Variants in RAB20 observed in about 807,000 individuals in gnomAD.
The protein encoded by RAB20 is RAB20, member RAS oncogene family, also known as ras-related protein Rab-20.
RAB20 carries 2 observed loss-of-function variants against 3.7 expected under a neutral mutation model. That is an observed-to-expected ratio of 0.54 (90% CI 0.22 to 1.69). The LOEUF is 1.69. Among genes scored for constraint, RAB20 ranks in the 40% most tolerant of loss-of-function variants. RAB20 has a pLI of 0.19. For missense variants in RAB20, 276 were observed against 311.9 expected, an observed-to-expected ratio of 0.88 and a Z score of 0.87; for synonymous variants, 126 against 130.8, an observed-to-expected ratio of 0.96 and a Z score of 0.25.
chr13:110,556,353 G>A (rs913507815), intron 1 of RAB20, among the ~76,000 whole-genome samples: 2 of 152,134 alleles, frequency 1.3e-5, no homozygotes, highest in African/African-American at 4.8e-5. Flanking sequence ...TTCGGAGAGA[G>A]GATAAAACCA....
At chr13:110,526,645 C>A (rs1884435502) in intron 1 of RAB20, among the ~76,000 whole-genome samples, 2 of 152,096 alleles carry the variant, frequency 1.3e-5, no homozygotes, top group African/African-American at 4.8e-5. Flanking sequence ...TTTTCACCAC[C>A]CTCTACCTGA....
In RAB20 at chr13:110,523,307, G is replaced by A; in HGVS notation, c.*358C>T. On this transcript the variant is annotated 3_prime_UTR_variant, in exon 2 of 2. Coordinates refer to ENST00000267328, the MANE Select transcript of RAB20 (RefSeq NM_017817.3). ...ACAACCCAGGGTGCTGAAACGGTCA[G>A]AGGTGCAGGTGCAGACGCAGGCTTC... The A allele has an allele frequency of 2.1e-6, 1 of 474,462 alleles. No individual in the cohort carries two copies. Among genetic ancestry groups the A allele is most frequent in the Non-Finnish European group, 3.7e-6 (1 of 271,472 alleles). 29.4% of individuals were successfully genotyped at this position (474,462 alleles called of 1,614,324 possible). A position where few individuals can be genotyped will look rare whatever the true frequency, so the allele number is the denominator to read the frequency against.
Position 110,523,441 on chromosome 13 carries a change from G to A in RAB20, c.*224C>T. ...TCGACTCTGCAGATTGGGCTTTGCA[G>A]AGGATTCCTGTTTCCCACCTCCCCA... On this transcript the variant is annotated 3_prime_UTR_variant, in exon 2 of 2. Transcript: ENST00000267328. The A allele has an allele frequency of 1.1e-6, 1 of 898,016 alleles. No individual in the cohort carries two copies. The highest frequency in any genetic ancestry group is 1.6e-6 in the Non-Finnish European group (1 of 612,822). 55.6% of individuals were successfully genotyped at this position (898,016 alleles called of 1,614,324 possible).
chr13:110,542,236 CATG>C (rs137968597), intron 1 of RAB20, among the ~76,000 whole-genome samples: 3,674 of 152,236 alleles, frequency 0.024, 153 homozygotes, highest in African/African-American at 0.082. Flanking sequence ...AGATGTACAA[CATG>C]ATATTTTGAT....
chr13:110,542,320 C>T (rs915349490), intron 1 of RAB20, among the ~76,000 whole-genome samples: 1 of 152,144 alleles, frequency 6.6e-6, no homozygotes, highest in Non-Finnish European at 1.5e-5. Context: ...CATGGGTGTG[C>T]AGACAGAACA....
chr13:110,527,470 G>T (rs1454636343), intron 1 of RAB20, among the ~76,000 whole-genome samples: 1 of 152,212 alleles, frequency 6.6e-6, no homozygotes, highest in Non-Finnish European at 1.5e-5. Flanking sequence ...AGAAGAATGT[G>T]CCCTGCTGCC....
chr13:110,545,894 G>A (rs961517340), intron 1 of RAB20, among the ~76,000 whole-genome samples: 15 of 152,158 alleles, frequency 9.9e-5, no homozygotes, highest in Non-Finnish European at 1.9e-4. Context: ...GGAAAATGCT[G>A]CATTTACTTC....
At chr13:110,552,758 TTAA>T (rs1013575395) in intron 1 of RAB20, among the ~76,000 whole-genome samples, 8 of 152,128 alleles carry the variant, frequency 5.3e-5, no homozygotes, top group African/African-American at 1.7e-4. Flanking sequence ...TCCAGAGAGC[TTAA>T]AGATAACAAA....
chr13:110,523,357 G>A lies in RAB20; in HGVS notation c.*308C>T, dbSNP rs1178626558. 24 of 530,072 alleles carry A rather than the reference G, an allele frequency of 4.5e-5. No homozygotes were observed. Among genetic ancestry groups the A allele is most frequent in the East Asian group, 9.1e-5 (3 of 33,078 alleles). The allele number at this position is 530,072 out of a possible 1,614,324, so 32.8% of individuals were successfully genotyped here. A position where few individuals can be genotyped will look rare whatever the true frequency, so the allele number is the denominator to read the frequency against. On this transcript the variant is annotated 3_prime_UTR_variant, in exon 2 of 2. Coordinates refer to ENST00000267328, the MANE Select transcript of RAB20 (RefSeq NM_017817.3). ...CTGCCTCTGCAAGGGCAAGGGGGCCGTTGGTGGCTGGCTGCAAAGGACCAG... is the reference window on the plus strand; with the variant it reads ...CTGCCTCTGCAAGGGCAAGGGGGCCATTGGTGGCTGGCTGCAAAGGACCAG...
At chr13:110,560,568 C>A (rs1041540494) in intron 1 of RAB20, among the ~76,000 whole-genome samples, 1 of 152,160 alleles carries the variant, frequency 6.6e-6, no homozygotes, top group African/African-American at 2.4e-5. Flanking sequence ...CCAGTTTCTT[C>A]ATTCACTTAC....
At chr13:110,533,148 C>T (rs79459207) in intron 1 of RAB20, among the ~76,000 whole-genome samples, 5 of 152,226 alleles carry the variant, frequency 3.3e-5, no homozygotes, top group African/African-American at 1.2e-4. Context: ...CCAGCAGCAG[C>T]GCAGCCTAGA....
Position 110,523,631 on chromosome 13 carries a change from C to G in RAB20, c.*34G>C, listed in dbSNP as rs759470604. 4.7e-5 allele frequency: 76 copies of G among 1,600,620 alleles called. No individual in the cohort carries two copies. Among genetic ancestry groups the G allele is most frequent in the Middle Eastern group, 1.7e-4 (1 of 6,014 alleles). On this transcript the variant is annotated 3_prime_UTR_variant, in exon 2 of 2. Coordinates refer to ENST00000267328, the MANE Select transcript of RAB20 (RefSeq NM_017817.3). ...CTTGCCTGGTCAGACCCCTTCCCAA[C>G]ATGCACAGTCTGAGTCCAGGAGGCC...
At chr13:110,559,089 C>A (rs1381391294) in intron 1 of RAB20, among the ~76,000 whole-genome samples, 1 of 152,056 alleles carries the variant, frequency 6.6e-6, no homozygotes, top group Non-Finnish European at 1.5e-5. Context: ...AACTCTCTTC[C>A]CCCTCTTCAG....
Position 110,523,459 on chromosome 13 carries a change from C to G in RAB20, c.*206G>C. ...CTTTGCAGAGGATTCCTGTTTCCCA[C>G]CTCCCCACCCCTCTGACAGAGACTG... On this transcript the variant is annotated 3_prime_UTR_variant, in exon 2 of 2. Coordinates refer to ENST00000267328, the MANE Select transcript of RAB20 (RefSeq NM_017817.3). 1 of 1,010,880 alleles carries G rather than the reference C, an allele frequency of 9.9e-7. No homozygotes were observed. The highest frequency in any genetic ancestry group is 1.4e-6 in the Non-Finnish European group (1 of 715,472). The allele number at this position is 1,010,880 out of a possible 1,614,324, so 62.6% of individuals were successfully genotyped here.
intron 1 of RAB20, among the ~76,000 whole-genome samples, 177 bp downstream of exon 1, chr13:110,561,171 T>A (rs1338749019): frequency 6.6e-6 from 1 of 152,168 alleles, no homozygotes; most frequent in Non-Finnish European, 1.5e-5. Flanking sequence ...ACTGAGTGGC[T>A]GAGAGGCAGC....
At position 110,524,089 on chromosome 13, in the gene RAB20, C is replaced by T. The variant is rs760965484; in HGVS notation, c.281G>A (p.Arg94Gln). The T allele has an allele frequency of 5.6e-6, 9 of 1,613,632 alleles. No homozygotes were observed. The highest frequency in any genetic ancestry group is 5.0e-5 in the Admixed American group (3 of 60,024). The change falls in exon 2 of 2, where the codon CGG (arginine) becomes CAG (glutamine). Residue 94 changes from arginine to glutamine, a missense_variant. Physicochemically the swap from Arg to Gln is conservative, Grantham distance 43 (BLOSUM62 1). Transcript: ENST00000267328. The part of the protein sequence containing the change: ...HRQSLVELED[R>Q]FLGLTDTASK... The stretch of plus-strand genomic sequence containing the variant: ...GGCTGTGTCTGTCAGGCCCAGGAAC[C>T]GGTCCTCCAGCTCCACCAGGCTCTG...
chr13:110,536,414 A>G (rs760150694), intron 1 of RAB20, among the ~76,000 whole-genome samples: 2 of 152,152 alleles, frequency 1.3e-5, no homozygotes, highest in East Asian at 1.9e-4. Flanking sequence ...AGGAAGAATG[A>G]TATCTCCTCT....
chr13:110,557,361 T>C (rs1203089861), intron 1 of RAB20, among the ~76,000 whole-genome samples: 1 of 152,128 alleles, frequency 6.6e-6, no homozygotes, highest in African/African-American at 2.4e-5. Flanking sequence ...GAGGGAAGAA[T>C]TGTCGAACAA....
intron 1 of RAB20, among the ~76,000 whole-genome samples, chr13:110,528,648 GTC>G (rs1884475436): frequency 6.6e-6 from 1 of 152,172 alleles, no homozygotes; most frequent in South Asian, 2.1e-4. Context: ...TGGTTTTCAA[GTC>G]TCTGTTACAT....
Sources: gnomAD v4.1 joint callset for allele counts (sites outside exome capture counted in the v4.1 genomes callset) on GRCh38, gnomAD v4.1.1 for gene constraint, MANE v1.5 for transcripts, NCBI Gene and HGNC (gene_info 2026-07-23, HGNC 2026-07-21) for gene names.